Variants in TP63 observed in about 807,000 individuals in gnomAD.
TP63 encodes tumor protein p63, also known as tumor protein 63.
TP63 carries 17 observed loss-of-function variants against 82.8 expected under a neutral mutation model. The observed-to-expected ratio is 0.21, with a 90% CI of 0.14 to 0.31. The LOEUF (loss-of-function observed/expected upper bound fraction) is 0.31. TP63 is among the 10% of genes least tolerant of loss of function. TP63 has a pLI of 1.00. For synonymous variants in TP63, 330 were observed against 321.7 expected, an observed-to-expected ratio of 1.03 and a Z score of -0.28; for missense variants, 648 against 895.3, an observed-to-expected ratio of 0.72 and a Z score of 3.52.
At chr3:189,816,715 C>T (rs1728220908) in intron 4 of TP63, among the ~76,000 whole-genome samples, 1 of 152,078 alleles carries the variant, frequency 6.6e-6, no homozygotes, top group Non-Finnish European at 1.5e-5. Flanking sequence ...TTCTTTGAAG[C>T]CCTGCAGACA....
intron 1 of TP63, among the ~76,000 whole-genome samples, chr3:189,691,338 CAAAAAAAAAAAAA>C (rs781098833): frequency 1.5e-5 from 1 of 67,110 alleles, no homozygotes; most frequent in Non-Finnish European, 2.8e-5. Flanking sequence ...GACTCCATCT[CAAAAAAAAAAAAA>C]AAAAAAAAAG....
chr3:189,823,563 T>A (rs1247149809), intron 4 of TP63, among the ~76,000 whole-genome samples: 1 of 151,928 alleles, frequency 6.6e-6, no homozygotes, highest in Non-Finnish European at 1.5e-5. Context: ...AAGTCACTAC[T>A]CCAAAGGGCT....
chr3:189,785,083 A>T (rs1455323441), intron 3 of TP63, among the ~76,000 whole-genome samples: 1 of 152,058 alleles, frequency 6.6e-6, no homozygotes, highest in Non-Finnish European at 1.5e-5. Flanking sequence ...TTTCATGCTG[A>T]CAACTGTCCC....
rs190260116 is a variant in TP63 at position 189,761,754 on chromosome 3, C to T, written c.324+22980C>T. 4.2e-3 allele frequency among the ~76,000 whole-genome samples: 637 copies of T among 152,128 alleles called. 3 individuals carry two copies. The highest frequency in any genetic ancestry group is 1.0e-2 in the South Asian group (48 of 4,818). ...TTTACACTACTGATATAGACATATC[C>T]GAGACTGGGCAATTTAAAAAAGAAA... On this transcript the variant is annotated intron_variant, in intron 3 of 13. Transcript: ENST00000264731.
chr3:189,673,331 G>A (rs958579391), intron 1 of TP63, among the ~76,000 whole-genome samples: 8 of 152,104 alleles, frequency 5.3e-5, no homozygotes, highest in Non-Finnish European at 1.0e-4. Context: ...CTTAAGATTA[G>A]AGAAAAGGGA....
upstream of TP63, among the ~76,000 whole-genome samples, chr3:189,628,958 G>C (rs965898296): frequency 1.3e-5 from 2 of 151,978 alleles, no homozygotes; most frequent in Admixed American, 6.6e-5. Flanking sequence ...TTTAAAATTT[G>C]TTGCCATTTA....
intron 4 of TP63, among the ~76,000 whole-genome samples, chr3:189,848,139 C>T (rs572723292): frequency 4.1e-4 from 63 of 152,046 alleles, no homozygotes; most frequent in African/African-American, 1.4e-3. Context: ...TCCTCATCGG[C>T]GAATAAAGTG....
chr3:189,752,461 G>T (rs904597236), intron 3 of TP63, among the ~76,000 whole-genome samples: 1 of 152,148 alleles, frequency 6.6e-6, no homozygotes, highest in African/African-American at 2.4e-5. Flanking sequence ...GATTACAATT[G>T]TGAGCCACTG....
At position 189,866,814 on chromosome 3, in the gene TP63, C is replaced by G. The variant is rs1426948478; in HGVS notation, c.882+17C>G. ...CCACCCCAGGTAAAAAGCAAAAAAC[C>G]AAACCAAAAAACAACACCTCTATGG... On this transcript the variant is annotated intron_variant, in intron 6 of 13. Coordinates refer to ENST00000264731, the MANE Select transcript of TP63 (RefSeq NM_003722.5). 1 of 1,610,532 alleles carries G rather than the reference C, an allele frequency of 6.2e-7. No homozygotes were observed. Among genetic ancestry groups the G allele is most frequent in the Non-Finnish European group, 8.5e-7 (1 of 1,176,960 alleles).
chr3:189,771,090 G>C (rs899045095), intron 3 of TP63, among the ~76,000 whole-genome samples: 1 of 151,322 alleles, frequency 6.6e-6, no homozygotes, highest in African/African-American at 2.4e-5. Context: ...CTTCATTAGT[G>C]AACAGGTTAG....
chr3:189,747,786 A>C (rs1721490203), intron 3 of TP63, among the ~76,000 whole-genome samples: 1 of 152,022 alleles, frequency 6.6e-6, no homozygotes. Context: ...GACCAGTAAA[A>C]CCAAAAGTTG....
intron 10 of TP63, among the ~76,000 whole-genome samples, chr3:189,883,714 C>A: frequency 6.6e-6 from 1 of 152,158 alleles, no homozygotes; most frequent in East Asian, 1.9e-4. Flanking sequence ...GAAACTTGTA[C>A]AACATCCTGC....
intron 4 of TP63, among the ~76,000 whole-genome samples, chr3:189,816,861 C>A (rs533540124): frequency 2.0e-5 from 3 of 151,926 alleles, no homozygotes; most frequent in Non-Finnish European, 4.4e-5. Flanking sequence ...AAGCCCCCCA[C>A]GTGAAATTTA....
At position 189,808,191 on chromosome 3, in the gene TP63, A is replaced by G. The variant is rs528138086; in HGVS notation, c.325-81A>G. On this transcript the variant is annotated intron_variant, in intron 3 of 13. Coordinates refer to ENST00000264731, the MANE Select transcript of TP63 (RefSeq NM_003722.5). ...CGTGAGGTCCATCTCTGTAGAATGC[A>G]TTCACCCATGGATGCCTTTTTTTGG... 19 of 1,612,548 alleles carry G rather than the reference A, an allele frequency of 1.2e-5. No individual in the cohort carries two copies. In the African/African-American group the frequency reaches 1.6e-4, roughly 14 times the overall value.
intron 3 of TP63, among the ~76,000 whole-genome samples, chr3:189,760,514 G>C (rs1166126970): frequency 2.6e-5 from 4 of 152,230 alleles, no homozygotes; most frequent in African/African-American, 9.6e-5. Flanking sequence ...AGATCACGCT[G>C]ATGCAAAAAG....
chr3:189,675,396 A>G (rs1428497527), intron 1 of TP63, among the ~76,000 whole-genome samples: 1 of 152,166 alleles, frequency 6.6e-6, no homozygotes, highest in Non-Finnish European at 1.5e-5. Flanking sequence ...ATTACTGTCT[A>G]TAGGTCATTT....
At chr3:189,888,222 G>A (rs949984501) in intron 11 of TP63, among the ~76,000 whole-genome samples, 1 of 152,168 alleles carries the variant, frequency 6.6e-6, no homozygotes, top group African/African-American at 2.4e-5. Context: ...TATGGCAAAC[G>A]TAGACTTTAG....
At chr3:189,691,191 T>C (rs1182857756) in intron 1 of TP63, among the ~76,000 whole-genome samples, 3 of 151,270 alleles carry the variant, frequency 2.0e-5, no homozygotes, top group Non-Finnish European at 2.9e-5. Context: ...ATACAAAAAT[T>C]AGCCGGGCGT....
chr3:189,858,461 TA>T (rs1440612765), intron 4 of TP63, among the ~76,000 whole-genome samples: 1 of 150,238 alleles, frequency 6.7e-6, no homozygotes. Context: ...AGTAGAATAC[TA>T]TTCAGTCAGA....
Sources: allele counts gnomAD v4.1 joint callset (sites outside exome capture counted in the v4.1 genomes callset), GRCh38; gene constraint gnomAD v4.1.1; transcripts MANE v1.5; gene names NCBI Gene and HGNC (gene_info 2026-07-23, HGNC 2026-07-21).